Variants in UBFD1 observed in about 807,000 individuals in gnomAD.
The protein encoded by UBFD1 is ubiquitin domain-containing protein UBFD1.
Under a neutral mutation model 35.1 loss-of-function variants are expected in UBFD1, and 12 were observed. That is an observed-to-expected ratio of 0.34 (90% CI 0.22 to 0.55). UBFD1 has a LOEUF of 0.55. Among genes scored for constraint, UBFD1 ranks in the 20% least tolerant of loss-of-function variants. UBFD1 has a pLI of 0.89. For synonymous variants in UBFD1, 178 were observed against 167.6 expected (o/e 1.06, Z -0.48); for missense variants, 337 against 410.8 (o/e 0.82, Z 1.55).
rs972766256 is a variant in UBFD1, at chr16:23,573,312, T to A, written c.*2722T>A. ...CCGTCTCTTAGACATTGGACACCTC[T>A]CAGAGCCTCCTGAGGGCTTCTTTGT... On this transcript the variant is annotated 3_prime_UTR_variant, in exon 7 of 7. Coordinates refer to ENST00000395878, the MANE Select transcript of UBFD1 (RefSeq NM_019116.3). The A allele has an allele frequency of 6.6e-6, 1 of 152,228 alleles. No homozygotes were observed. Among genetic ancestry groups the A allele is most frequent in the African/African-American group, 2.4e-5 (1 of 41,458 alleles). 9.4% of individuals were successfully genotyped at this position (152,228 alleles called of 1,614,324 possible).
At chr16:23,560,149 T>C (rs1351357773) in intron 3 of UBFD1, among the ~76,000 whole-genome samples, 1 of 152,130 alleles carries the variant, frequency 6.6e-6, no homozygotes, top group African/African-American at 2.4e-5. Context: ...TGAAGCTGAG[T>C]AGGAAGACAA....
At chr16:23,569,109 C>T (rs1219795545) in intron 6 of UBFD1, 1 of 152,228 alleles carries the variant, frequency 6.6e-6, no homozygotes, top group East Asian at 1.9e-4. Context: ...TAGTCCCCTT[C>T]TCTTTTCCAA....
At chr16:23,565,500 G>A (rs997867356) in intron 5 of UBFD1, 3 of 152,302 alleles carry the variant, frequency 2.0e-5, no homozygotes, top group Non-Finnish European at 4.4e-5. Context: ...GTATATTTTT[G>A]TGAAATCTCC....
intron 5 of UBFD1, chr16:23,565,643 TC>T (rs1410618674): frequency 1.3e-5 from 2 of 152,104 alleles, no homozygotes; most frequent in Admixed American, 1.3e-4. Flanking sequence ...AGGTCCCTTC[TC>T]CCCAGCCCCC....
intron 3 of UBFD1, among the ~76,000 whole-genome samples, chr16:23,560,289 A>G (rs191819602): frequency 3.3e-5 from 5 of 152,302 alleles, no homozygotes; most frequent in Admixed American, 2.6e-4. Context: ...AGCCATTAAC[A>G]TTCTTTCACG....
Position 23,567,040 on chromosome 16 carries a change from A to G in UBFD1, c.790A>G (p.Ile264Val), listed in dbSNP as rs1966020682. 1 of 1,614,034 alleles carries G rather than the reference A, an allele frequency of 6.2e-7. No individual in the cohort carries two copies. ...CATAAAAAATGTGGTCAGTGAACCT[A>G]TCGAAGGACATGAAGACTACCACAT... The part of the protein sequence containing the change: ...GSIKNVVSEP[I>V]EGHEDYHMMA... Residue 264 changes from isoleucine (I) to valine (V), a missense_variant, in exon 6 of 7, where the codon ATC becomes GTC. Transcript: ENST00000395878.
At chr16:23,566,596 A>C (rs1966015112) in intron 5 of UBFD1, 1 of 164,640 alleles carries the variant, frequency 6.1e-6, no homozygotes, top group Non-Finnish European at 1.3e-5. Flanking sequence ...TCCTGATCTC[A>C]GGTGATCCAC....
chr16:23,567,648 A>G (rs920672853), intron 6 of UBFD1, among the ~76,000 whole-genome samples: 2 of 152,266 alleles, frequency 1.3e-5, no homozygotes, highest in Non-Finnish European at 2.9e-5. Flanking sequence ...GGTCTGCAGA[A>G]CAAAGCAAAA....
At chr16:23,562,589 G>T (rs1166360218) in intron 4 of UBFD1, 36 bp from the exon 5 acceptor site, 1 of 1,592,206 alleles carries the variant, frequency 6.3e-7, no homozygotes, top group Admixed American at 1.7e-5. Context: ...TTTTCTGACT[G>T]TCCCTCCATC....
chr16:23,558,330 G>T (rs1348856116), intron 2 of UBFD1, 51 bp downstream of exon 2: 1 of 1,585,652 alleles, frequency 6.3e-7, no homozygotes, highest in Non-Finnish European at 8.6e-7. Flanking sequence ...CCTCCTGATG[G>T]CCCTTGCACC....
At chr16:23,563,039 A>G (rs1965960528) in intron 5 of UBFD1, among the ~76,000 whole-genome samples, 1 of 151,952 alleles carries the variant, frequency 6.6e-6, no homozygotes, top group African/African-American at 2.4e-5. Context: ...TTGTGGGATG[A>G]CACACAATCT....
chr16:23,567,166 C>G, intron 6 of UBFD1, 97 bp downstream of exon 6: 1 of 1,188,010 alleles, frequency 8.4e-7, no homozygotes, highest in Non-Finnish European at 1.2e-6. Context: ...GAAGAAAACT[C>G]AGTCTCCAGA....
In UBFD1 at chr16:23,558,195, A is replaced by T; in HGVS notation, c.271A>T (p.Ile91Phe). 1 of 1,609,638 alleles carries T rather than the reference A, an allele frequency of 6.2e-7. No homozygotes were observed. Among genetic ancestry groups the T allele is most frequent in the South Asian group, 1.1e-5 (1 of 90,414 alleles). Residue 91 changes from isoleucine (I) to phenylalanine (F), a missense_variant, in exon 2 of 7, where the codon ATC becomes TTC. Transcript: ENST00000395878. ...CAGGGAGCTGGTGGACTTGAAGATC[A>T]TCTGGAATAAGACCAAGCATGACGT... The part of the protein sequence containing the change: ...AGRELVDLKI[I>F]WNKTKHDVKF...
chr16:23,562,036 A>G, intron 3 of UBFD1, 170 bp from the exon 4 acceptor site: 1 of 594,894 alleles, frequency 1.7e-6, no homozygotes, highest in Non-Finnish European at 2.9e-6. Flanking sequence ...CCCTCCCAGA[A>G]AGTTCTGCTG....
At chr16:23,560,365 C>T (rs1965912952) in intron 3 of UBFD1, among the ~76,000 whole-genome samples, 1 of 152,118 alleles carries the variant, frequency 6.6e-6, no homozygotes. Flanking sequence ...TACTTGTTAT[C>T]TTTTTACCTG....
chr16:23,570,629 T>C lies in UBFD1; in HGVS notation c.*39T>C, dbSNP rs778816292. 6.5e-7 allele frequency: 1 copy of C among 1,540,046 alleles called. No homozygotes were observed. Among genetic ancestry groups the C allele is most frequent in the South Asian group, 1.1e-5 (1 of 89,250 alleles). On this transcript the variant is annotated 3_prime_UTR_variant, in exon 7 of 7. Transcript: ENST00000395878. ...TCTGGCCCAGGAGACTGACCCAAAG[T>C]GAAGGACATTGCCGGGAGAGGCCTG...
intron 6 of UBFD1, among the ~76,000 whole-genome samples, chr16:23,568,360 A>C (rs528461684): frequency 6.7e-6 from 1 of 150,372 alleles, no homozygotes; most frequent in Non-Finnish European, 1.5e-5. Flanking sequence ...GGGTTTCACC[A>C]TGTTGGCCAA....
rs1012171245 is a variant in UBFD1, at chr16:23,573,449, A to T, written c.*2859A>T. ...GCAGAAGAGCGTGACCCTGTGAGCC[A>T]GGCCCCCCTTAGCTCTGCTTCAGAT... On this transcript the variant is annotated 3_prime_UTR_variant, in exon 7 of 7. Coordinates refer to ENST00000395878, the MANE Select transcript of UBFD1 (RefSeq NM_019116.3). The T allele has an allele frequency of 7.2e-5, 11 of 152,222 alleles. No individual in the cohort carries two copies. Among genetic ancestry groups the T allele is most frequent in the Admixed American group, 7.2e-4 (11 of 15,278 alleles). 9.4% of individuals were successfully genotyped at this position (152,222 alleles called of 1,614,324 possible). A position where few individuals can be genotyped will look rare whatever the true frequency, so the allele number is the denominator to read the frequency against.
intron 2 of UBFD1, among the ~76,000 whole-genome samples, chr16:23,558,583 C>G (rs916697): frequency 6.6e-6 from 1 of 152,116 alleles, no homozygotes; most frequent in African/African-American, 2.4e-5. Flanking sequence ...CTTCTGGGCC[C>G]TTTCCCAGGA....
Sources: gnomAD v4.1 joint callset for allele counts (sites outside exome capture counted in the v4.1 genomes callset) on GRCh38, gnomAD v4.1.1 for gene constraint, MANE v1.5 for transcripts, NCBI Gene and HGNC (gene_info 2026-07-23, HGNC 2026-07-21) for gene names.